Variants in PCDH15 observed in about 807,000 individuals in gnomAD.
PCDH15 encodes protocadherin-15.
In PCDH15, 129 loss-of-function variants were observed where a neutral mutation model predicts 178.5. The ratio of observed to expected loss-of-function variants is 0.72; its 90% CI spans 0.63 to 0.84. PCDH15 has a LOEUF of 0.84. Ranked by LOEUF, PCDH15 falls within the 40% of genes least tolerant of loss-of-function variation. PCDH15 has a pLI of 0.00. For synonymous variants in PCDH15, 800 were observed against 732.0 expected (o/e 1.09, Z -1.50); for missense variants, 2,230 against 2,099.9 (o/e 1.06, Z -1.21).
chr10:54,374,145 C>T (rs1948077511), intron 4 of PCDH15, among the ~76,000 whole-genome samples: 1 of 151,936 alleles, frequency 6.6e-6, no homozygotes, highest in Admixed American at 6.6e-5. Flanking sequence ...AGGTGGTAGA[C>T]AACAATTAGT....
chr10:54,484,836 C>T (rs1589654323), intron 3 of PCDH15, among the ~76,000 whole-genome samples: 1 of 151,878 alleles, frequency 6.6e-6, no homozygotes, highest in East Asian at 1.9e-4. Context: ...ATAGTGTTAA[C>T]TGTATTCATA....
intron 1 of PCDH15, among the ~76,000 whole-genome samples, chr10:54,677,486 T>C (rs2094812391): frequency 6.6e-6 from 1 of 152,134 alleles, no homozygotes; most frequent in Admixed American, 6.6e-5. Context: ...AGTGTGTGTG[T>C]GCGTGCGTGT....
At chr10:53,971,066 G>C (rs2089631189) in intron 21 of PCDH15, among the ~76,000 whole-genome samples, 1 of 152,290 alleles carries the variant, frequency 6.6e-6, no homozygotes, top group African/African-American at 2.4e-5. Context: ...AAATCCAGCA[G>C]CACATCAAGA....
intron 1 of PCDH15, among the ~76,000 whole-genome samples, chr10:55,171,759 A>G (rs1839337545): frequency 6.6e-6 from 1 of 152,138 alleles, no homozygotes; most frequent in Non-Finnish European, 1.5e-5. Context: ...GACTTCAAGA[A>G]TTAATATTAG....
At chr10:53,834,448 G>A (rs967393947) in intron 29 of PCDH15, among the ~76,000 whole-genome samples, 10 of 149,626 alleles carry the variant, frequency 6.7e-5, no homozygotes, top group African/African-American at 2.2e-4. Flanking sequence ...TGCTGATCCC[G>A]TTTTTCCACT....
chr10:54,445,143 T>A (rs1037691361), intron 3 of PCDH15, among the ~76,000 whole-genome samples: 4 of 151,246 alleles, frequency 2.6e-5, no homozygotes, highest in African/African-American at 9.7e-5. Context: ...TCAAAGCCCT[T>A]GACTTTTCAC....
At chr10:54,299,419 C>T (rs1430376268) in intron 8 of PCDH15, among the ~76,000 whole-genome samples, 1 of 152,134 alleles carries the variant, frequency 6.6e-6, no homozygotes, top group Non-Finnish European at 1.5e-5. Flanking sequence ...TACCCTATTC[C>T]TTTAAAAGCC....
chr10:55,325,648 C>A (rs1193809252), intron 2 of PCDH15, among the ~76,000 whole-genome samples: 1 of 151,862 alleles, frequency 6.6e-6, no homozygotes, highest in African/African-American at 2.4e-5. Flanking sequence ...GACATAAGAA[C>A]TGGCAAAGAT....
At chr10:54,731,813 G>A (rs754413714) in intron 1 of PCDH15, among the ~76,000 whole-genome samples, 86 of 150,770 alleles carry the variant, frequency 5.7e-4, no homozygotes, top group Non-Finnish European at 1.0e-3. Context: ...GATGGGAAGG[G>A]AGGGTGAAGA....
intron 18 of PCDH15, among the ~76,000 whole-genome samples, chr10:54,025,285 A>G (rs1395263450): frequency 2.0e-5 from 3 of 152,164 alleles, no homozygotes; most frequent in Non-Finnish European, 4.4e-5. Flanking sequence ...TTAAAGCTCT[A>G]TAGGTCAAAA....
At chr10:54,828,597 A>G (rs999212712) in intron 3 of PCDH15, among the ~76,000 whole-genome samples, 1 of 152,182 alleles carries the variant, frequency 6.6e-6, no homozygotes, top group East Asian at 1.9e-4. Flanking sequence ...TTGTTTAAAC[A>G]GAGCTTTTAT....
intron 3 of PCDH15, among the ~76,000 whole-genome samples, chr10:54,842,875 T>C (rs762466723): frequency 6.6e-6 from 1 of 151,776 alleles, no homozygotes; most frequent in African/African-American, 2.4e-5. Flanking sequence ...CCAGGGTAAA[T>C]AGGTTTGCTG....
intron 2 of PCDH15, among the ~76,000 whole-genome samples, chr10:54,647,001 T>C (rs1015376388): frequency 6.6e-6 from 1 of 152,020 alleles, no homozygotes; most frequent in Non-Finnish European, 1.5e-5. Flanking sequence ...TCATCCAAAA[T>C]AACTGAAATC....
chr10:53,859,671 A>T lies in PCDH15; in HGVS notation c.3718-2408T>A, dbSNP rs536312755. 8.8e-5 allele frequency among the ~76,000 whole-genome samples: 13 copies of T among 148,312 alleles called. No homozygotes were observed. In the East Asian group the frequency reaches 1.6e-3, roughly 18 times the overall value. On this transcript the variant is annotated intron_variant, in intron 27 of 37. Coordinates refer to ENST00000644397, the MANE Select transcript of PCDH15 (RefSeq NM_001384140.1). ...ACTCTTGCAGCGGAGACTTAAAATT[A>T]AAAAAAAAAATGTTTCACATGTGCA...
chr10:53,918,789 G>A (rs960167584), intron 25 of PCDH15, among the ~76,000 whole-genome samples: 1 of 150,894 alleles, frequency 6.6e-6, no homozygotes, highest in African/African-American at 2.4e-5. Flanking sequence ...GCTTCCTATT[G>A]CTTCTGTAAT....
chr10:54,229,593 G>A (rs367810547), intron 9 of PCDH15, among the ~76,000 whole-genome samples: 13 of 152,070 alleles, frequency 8.5e-5, no homozygotes, highest in African/African-American at 2.4e-4. Flanking sequence ...TACTCTTCTC[G>A]TGAAAGTGAA....
At chr10:54,447,469 A>G (rs980280469) in intron 3 of PCDH15, among the ~76,000 whole-genome samples, 2 of 151,584 alleles carry the variant, frequency 1.3e-5, no homozygotes, top group Admixed American at 6.6e-5. Flanking sequence ...TCTACATATA[A>G]GTGAGATTAT....
intron 1 of PCDH15, among the ~76,000 whole-genome samples, chr10:54,740,299 G>A (rs1270472052): frequency 6.6e-6 from 1 of 151,784 alleles, no homozygotes; most frequent in Non-Finnish European, 1.5e-5. Context: ...CTAGCCATGG[G>A]GAACGTAAAT....
At chr10:55,478,750 T>C (rs1455291841) in intron 2 of PCDH15, among the ~76,000 whole-genome samples, 1 of 150,778 alleles carries the variant, frequency 6.6e-6, no homozygotes, top group Non-Finnish European at 1.5e-5. Context: ...TTTAACAACA[T>C]TAAGAAAAAA....
Sources: allele counts gnomAD v4.1 joint callset (sites outside exome capture counted in the v4.1 genomes callset), GRCh38; gene constraint gnomAD v4.1.1; transcripts MANE v1.5; gene names NCBI Gene and HGNC (gene_info 2026-07-23, HGNC 2026-07-21).